Variants in THADA observed in about 807,000 individuals in gnomAD.
The protein encoded by THADA is THADA armadillo repeat containing, also known as tRNA (32-2'-O)-methyltransferase regulator THADA.
THADA carries 213 observed loss-of-function variants against 219.8 expected under a neutral mutation model. The ratio of observed to expected loss-of-function variants is 0.97; its 90% CI spans 0.87 to 1.09. THADA has a LOEUF of 1.09. Ranked by LOEUF, THADA falls within the 50% of genes least tolerant of loss-of-function variation. The probability of loss-of-function intolerance (pLI) is 0.00; values close to 1 mark genes in which losing one functional copy is unlikely to be tolerated. For synonymous variants in THADA, 1,018 were observed against 828.9 expected (o/e 1.23, Z -3.92); for missense variants, 2,956 against 2,311.3 (o/e 1.28, Z -5.72).
chr2:43,317,373 C>A (rs1038298400), intron 31 of THADA, among the ~76,000 whole-genome samples: 8 of 152,132 alleles, frequency 5.3e-5, no homozygotes, highest in African/African-American at 1.4e-4. Context: ...GTTAATAAAT[C>A]CATTTAATGA....
At position 43,592,026 on chromosome 2, in the gene THADA, T is replaced by C. The variant is rs1268521066; in HGVS notation, c.97A>G (p.Lys33Glu). 5 of 1,561,116 alleles carry C rather than the reference T, an allele frequency of 3.2e-6. No homozygotes were observed. Among genetic ancestry groups the C allele is most frequent in the African/African-American group, 1.4e-5 (1 of 73,730 alleles). Residue 33 changes from lysine to glutamate, a missense_variant, in exon 3 of 38, where the codon AAA (lysine) becomes GAA (glutamate). Physicochemically the swap from Lys to Glu is moderately conservative, Grantham distance 56. Transcript: ENST00000405975. ...TGTAACAGCAAAGAAGCTAGATTTT[T>C]CCCTTCCACATCAGCAAAAGCTATA... ...TLKSFADVEG[K>E]NLASLLLHCV...
chr2:43,514,707 TATATAAATA>T (rs1377618649), intron 22 of THADA, among the ~76,000 whole-genome samples: 2 of 72,148 alleles, frequency 2.8e-5, no homozygotes, highest in African/African-American at 1.4e-4. Context: ...ATATAATATA[TATATAAATA>T]TATATTATAT....
At chr2:43,478,775 G>A (rs1192582240) in intron 26 of THADA, among the ~76,000 whole-genome samples, 5 of 152,128 alleles carry the variant, frequency 3.3e-5, no homozygotes, top group African/African-American at 1.2e-4. Flanking sequence ...CCCACTTCAA[G>A]TTCATGAAAA....
At chr2:43,400,181 TC>T (rs1674624593) in intron 28 of THADA, among the ~76,000 whole-genome samples, 1 of 152,088 alleles carries the variant, frequency 6.6e-6, no homozygotes, top group African/African-American at 2.4e-5. Flanking sequence ...AATGATGATT[TC>T]CCAAAGGATT....
intron 36 of THADA, among the ~76,000 whole-genome samples, chr2:43,250,259 T>C (rs181355900): frequency 5.8e-4 from 89 of 152,324 alleles, no homozygotes; most frequent in African/African-American, 2.0e-3. Context: ...CGCTACAGCA[T>C]GGATGAACCT....
At chr2:43,541,964 G>A (rs1211594453) in intron 20 of THADA, among the ~76,000 whole-genome samples, 1 of 152,154 alleles carries the variant, frequency 6.6e-6, no homozygotes, top group Non-Finnish European at 1.5e-5. Flanking sequence ...TGGTGAGCAT[G>A]ACTGTTGCAT....
At chr2:43,563,001 T>A (rs762532913) in intron 15 of THADA, 2 of 152,234 alleles carry the variant, frequency 1.3e-5, no homozygotes, top group Non-Finnish European at 2.9e-5. Context: ...TATTTGTTAA[T>A]CTTTAAAAAA....
At chr2:43,457,709 C>T (rs1683181722) in intron 26 of THADA, among the ~76,000 whole-genome samples, 1 of 152,128 alleles carries the variant, frequency 6.6e-6, no homozygotes, top group South Asian at 2.1e-4. Context: ...TAGGGAACCG[C>T]CCACAAATAT....
At chr2:43,541,432 T>C (rs1293833011) in intron 20 of THADA, 116 bp from the exon 21 acceptor site, 2 of 1,153,648 alleles carry the variant, frequency 1.7e-6, no homozygotes, top group African/African-American at 1.6e-5. Flanking sequence ...ACCCGATTTG[T>C]CATGTTATAT....
chr2:43,579,882 GC>G (rs1204282894), intron 8 of THADA, among the ~76,000 whole-genome samples: 3 of 152,168 alleles, frequency 2.0e-5, no homozygotes, highest in Non-Finnish European at 4.4e-5. Flanking sequence ...TGGATGACCT[GC>G]CTCTGAACTT....
intron 30 of THADA, among the ~76,000 whole-genome samples, chr2:43,322,671 A>ATAC (rs1558578381): frequency 2.5e-4 from 20 of 79,904 alleles, no homozygotes; most frequent in African/African-American, 9.7e-4. Context: ...AGCACATTCT[A>ATAC]TTCTTTTTTT....
chr2:43,530,182 A>T (rs1389297442), intron 21 of THADA, among the ~76,000 whole-genome samples: 1 of 152,202 alleles, frequency 6.6e-6, no homozygotes, highest in African/African-American at 2.4e-5. Context: ...TTAGTATCCC[A>T]AAGAGTGACA....
chr2:43,453,791 C>T (rs1023347827), intron 26 of THADA, among the ~76,000 whole-genome samples: 1 of 152,222 alleles, frequency 6.6e-6, no homozygotes, highest in Non-Finnish European at 1.5e-5. Flanking sequence ...TGTGTTTCCG[C>T]TTAATAGCCA....
chr2:43,466,913 T>G (rs1294379040), intron 26 of THADA, among the ~76,000 whole-genome samples: 2 of 148,722 alleles, frequency 1.3e-5, no homozygotes, highest in African/African-American at 5.0e-5. Flanking sequence ...CCGGGCACGG[T>G]GGCTCACGCC....
At chr2:43,568,645 A>G (rs949748118) in intron 14 of THADA, among the ~76,000 whole-genome samples, 1 of 152,238 alleles carries the variant, frequency 6.6e-6, no homozygotes, top group African/African-American at 2.4e-5. Flanking sequence ...ATGTCATTTT[A>G]CCCCTTGCAA....
intron 29 of THADA, 102 bp downstream of exon 29, chr2:43,397,869 T>A: frequency 1.6e-6 from 2 of 1,261,038 alleles, no homozygotes; most frequent in Non-Finnish European, 2.2e-6. Context: ...ACAGATAAAG[T>A]TAAGAGGCTG....
chr2:43,234,719 T>C (rs184323642), intron 36 of THADA, among the ~76,000 whole-genome samples: 1 of 152,344 alleles, frequency 6.6e-6, no homozygotes, highest in East Asian at 1.9e-4. Flanking sequence ...AGTGGCGTGA[T>C]CTTGGCTCAC....
chr2:43,427,078 A>G (rs896080969), intron 28 of THADA, among the ~76,000 whole-genome samples: 1 of 152,198 alleles, frequency 6.6e-6, no homozygotes, highest in Admixed American at 6.5e-5. Flanking sequence ...TGAATACTCT[A>G]TATTCATGGC....
chr2:43,552,083 G>T, intron 18 of THADA, 121 bp downstream of exon 18: 1 of 1,517,966 alleles, frequency 6.6e-7, no homozygotes, highest in South Asian at 1.3e-5. Flanking sequence ...TTTTAAATCT[G>T]ATTTTCAATT....
Sources: gnomAD v4.1 joint callset for allele counts (sites outside exome capture counted in the v4.1 genomes callset) on GRCh38, gnomAD v4.1.1 for gene constraint, MANE v1.5 for transcripts, NCBI Gene and HGNC (gene_info 2026-07-23, HGNC 2026-07-21) for gene names.